UNC5D: variants seen among roughly 807,000 people sequenced by gnomAD.
UNC5D encodes the protein unc-5 netrin receptor D.
UNC5D carries 39 observed loss-of-function variants against 105.4 expected under a neutral mutation model. The ratio of observed to expected loss-of-function variants is 0.37; its 90% confidence interval spans 0.29 to 0.48. The LOEUF (loss-of-function observed/expected upper bound fraction) is 0.48, where lower values mean the gene tolerates loss of function less well. Among genes scored for constraint, UNC5D ranks in the 20% least tolerant of loss-of-function variants. The probability of loss-of-function intolerance (pLI) is 0.98; values close to 1 mark genes in which losing one functional copy is unlikely to be tolerated. For synonymous variants in UNC5D, 452 were observed against 450.4 expected (o/e 1.00, Z -0.04); for missense variants, 991 against 1,202.4 (o/e 0.82, Z 2.60).
intron 10 of UNC5D, among the ~76,000 whole-genome samples, chr8:35,728,027 A>G (rs1828969701): frequency 7.1e-6 from 1 of 140,626 alleles, no homozygotes; most frequent in African/African-American, 2.6e-5. Context: ...GCTTGAGTCT[A>G]GGAATTCGAG....
At chr8:35,786,932 A>T (rs532047171) in intron 16 of UNC5D, among the ~76,000 whole-genome samples, 1 of 152,286 alleles carries the variant, frequency 6.6e-6, no homozygotes, top group African/African-American at 2.4e-5. Context: ...AAAAAAAATC[A>T]AAAGAGTAAT....
At chr8:35,738,147 C>G (rs573919998) in intron 11 of UNC5D, among the ~76,000 whole-genome samples, 1 of 152,086 alleles carries the variant, frequency 6.6e-6, no homozygotes, top group African/African-American at 2.4e-5. Flanking sequence ...AATGACATAG[C>G]ATGGTAGAGT....
intron 4 of UNC5D, among the ~76,000 whole-genome samples, chr8:35,673,288 G>A (rs1824950678): frequency 6.6e-6 from 1 of 152,174 alleles, no homozygotes; most frequent in African/African-American, 2.4e-5. Context: ...TCTGAAAGTG[G>A]TGAAGCAAGT....
At chr8:35,701,605 A>G (rs923500153) in intron 7 of UNC5D, among the ~76,000 whole-genome samples, 1 of 152,182 alleles carries the variant, frequency 6.6e-6, no homozygotes, top group African/African-American at 2.4e-5. Context: ...TAAAAGGTAG[A>G]TTGTTCTCTT....
rs183967988 is a variant in UNC5D, at chr8:35,790,772, A to C, written c.*209A>C. 2.0e-5 allele frequency: 12 copies of C among 594,054 alleles called. No homozygotes were observed. Among genetic ancestry groups the C allele is most frequent in the Admixed American group, 1.8e-4 (6 of 33,530 alleles). 36.8% of individuals were successfully genotyped at this position (594,054 alleles called of 1,614,324 possible). On this transcript the variant is annotated 3_prime_UTR_variant, in exon 17 of 17. Transcript: ENST00000404895. ...GCTCTCTTACATATAAGAGGGCTCT[A>C]CTATCTCCTTGGAATCCACATTTGG...
At chr8:35,441,251 A>C (rs11987881) in intron 1 of UNC5D, among the ~76,000 whole-genome samples, 64,105 of 151,800 alleles carry the variant, frequency 0.42, 13,694 homozygotes, top group East Asian at 0.54. Flanking sequence ...AATTACCTGC[A>C]TTCAACTGCA....
At chr8:35,302,858 T>C (rs1361247403) in intron 1 of UNC5D, among the ~76,000 whole-genome samples, 4 of 152,286 alleles carry the variant, frequency 2.6e-5, no homozygotes, top group South Asian at 2.1e-4. Flanking sequence ...TTTTAATGTT[T>C]ATAAAACCCT....
intron 2 of UNC5D, among the ~76,000 whole-genome samples, chr8:35,557,241 T>C (rs1237668554): frequency 6.6e-6 from 1 of 152,238 alleles, no homozygotes; most frequent in Non-Finnish European, 1.5e-5. Context: ...TGATTAATTC[T>C]AATCTCTTGT....
intron 1 of UNC5D, among the ~76,000 whole-genome samples, chr8:35,378,911 A>T (rs1383190780): frequency 6.6e-6 from 1 of 152,110 alleles, no homozygotes; most frequent in Non-Finnish European, 1.5e-5. Context: ...TTTCATCTGC[A>T]CCTTACACTA....
chr8:35,616,807 A>C (rs1821052425), intron 4 of UNC5D, among the ~76,000 whole-genome samples: 1 of 152,246 alleles, frequency 6.6e-6, no homozygotes, highest in South Asian at 2.1e-4. Flanking sequence ...GGCGATTTGG[A>C]GGAAAGATCC....
At chr8:35,658,082 C>G (rs1214562261) in intron 4 of UNC5D, among the ~76,000 whole-genome samples, 1 of 152,246 alleles carries the variant, frequency 6.6e-6, no homozygotes, top group East Asian at 1.9e-4. Flanking sequence ...AATATCTAAT[C>G]CCTAACAGAA....
At position 35,792,665 on chromosome 8, in the gene UNC5D, G is replaced by C. The variant is rs1395751966; in HGVS notation, c.*2102G>C. 5.5e-6 allele frequency: 1 copy of C among 182,008 alleles called. No individual in the cohort carries two copies. The highest frequency in any genetic ancestry group is 2.4e-5 in the African/African-American group (1 of 41,632). The allele number at this position is 182,008 out of a possible 1,614,324, so 11.3% of individuals were successfully genotyped here. A position where few individuals can be genotyped will look rare whatever the true frequency, so the allele number is the denominator to read the frequency against. ...ATGAGGTGGTGTGCAGAGGAAAGCT[G>C]CATTCACTATTGAGTAAAAACTTGT... On this transcript the variant is annotated 3_prime_UTR_variant, in exon 17 of 17. Coordinates refer to ENST00000404895, the MANE Select transcript of UNC5D (RefSeq NM_080872.4).
intron 1 of UNC5D, among the ~76,000 whole-genome samples, chr8:35,379,334 C>T (rs918850467): frequency 1.3e-5 from 2 of 152,122 alleles, no homozygotes; most frequent in Non-Finnish European, 2.9e-5. Flanking sequence ...AACAGTCCAC[C>T]ATCACCTTTC....
intron 4 of UNC5D, among the ~76,000 whole-genome samples, chr8:35,670,786 T>TTGA (rs1824739518): frequency 9.7e-6 from 1 of 103,568 alleles, no homozygotes; most frequent in African/African-American, 3.0e-5. Context: ...TGATGACAGG[T>TTGA]TGATAGGTGT....
At chr8:35,510,870 T>C (rs1425835207) in intron 1 of UNC5D, among the ~76,000 whole-genome samples, 2 of 152,222 alleles carry the variant, frequency 1.3e-5, no homozygotes, top group African/African-American at 4.8e-5. Context: ...ATTTATTTAA[T>C]GTCACACCTA....
chr8:35,773,830 C>A (rs1165791520), intron 15 of UNC5D, among the ~76,000 whole-genome samples: 1 of 152,214 alleles, frequency 6.6e-6, no homozygotes, highest in African/African-American at 2.4e-5. Context: ...TCAAGTGATT[C>A]TCCTGCCTCA....
intron 1 of UNC5D, among the ~76,000 whole-genome samples, chr8:35,470,439 G>A (rs1254690643): frequency 7.2e-5 from 11 of 151,908 alleles, no homozygotes; most frequent in Non-Finnish European, 2.9e-5. Flanking sequence ...GAAGGAAGAT[G>A]TACACATGTG....
intron 1 of UNC5D, among the ~76,000 whole-genome samples, chr8:35,239,539 A>T (rs1802676300): frequency 6.6e-6 from 1 of 151,076 alleles, no homozygotes. Flanking sequence ...GACATGTATT[A>T]AAATCTAATC....
At chr8:35,508,995 T>C (rs925111519) in intron 1 of UNC5D, among the ~76,000 whole-genome samples, 70 of 152,326 alleles carry the variant, frequency 4.6e-4, no homozygotes, top group African/African-American at 1.6e-3. Flanking sequence ...AATGAAAAAT[T>C]ACTTATTTTC....
Sources: gnomAD v4.1 joint callset for allele counts (sites outside exome capture counted in the v4.1 genomes callset) on GRCh38, gnomAD v4.1.1 for gene constraint, MANE v1.5 for transcripts, NCBI Gene and HGNC (gene_info 2026-07-23, HGNC 2026-07-21) for gene names.